Variants in UBE2D2 observed in about 807,000 individuals in gnomAD.
UBE2D2 encodes the protein ubiquitin conjugating enzyme E2 D2.
A neutral mutation model predicts 24.2 loss-of-function variants in UBE2D2; 2 were observed. The ratio of observed to expected loss-of-function variants is 0.08; its 90% confidence interval spans 0.03 to 0.26. UBE2D2 has a LOEUF of 0.26. Ranked by LOEUF, UBE2D2 falls within the 10% of genes least tolerant of loss-of-function variation. The pLI, the probability that UBE2D2 is intolerant of heterozygous loss-of-function variation, is 1.00. For synonymous variants in UBE2D2, 58 were observed against 56.5 expected (o/e 1.03, Z -0.12); for missense variants, 44 against 177.6 (o/e 0.25, Z 4.28).
intron 1 of UBE2D2, among the ~76,000 whole-genome samples, chr5:139,531,203 A>C (rs970199077): frequency 3.3e-5 from 5 of 152,200 alleles, no homozygotes; most frequent in African/African-American, 1.2e-4. Flanking sequence ...ACCAGGCCTG[A>C]AAGCAGGCCT....
intron 2 of UBE2D2, among the ~76,000 whole-genome samples, chr5:139,613,987 G>A (rs541806336): frequency 2.0e-5 from 3 of 151,892 alleles, no homozygotes; most frequent in Admixed American, 6.6e-5. Context: ...GCTTGAACCC[G>A]GGAGGCGGGG....
intron 1 of UBE2D2, among the ~76,000 whole-genome samples, chr5:139,597,915 T>G (rs1396453281): frequency 6.6e-6 from 1 of 152,234 alleles, no homozygotes; most frequent in Non-Finnish European, 1.5e-5. Flanking sequence ...TATTTCTTTT[T>G]TTTTGAGACG....
chr5:139,599,305 A>G (rs1020746742), intron 1 of UBE2D2, among the ~76,000 whole-genome samples: 2 of 152,064 alleles, frequency 1.3e-5, no homozygotes, highest in Non-Finnish European at 2.9e-5. Flanking sequence ...AAAGCATATC[A>G]ACTTGTCAGA....
intron 1 of UBE2D2, among the ~76,000 whole-genome samples, chr5:139,573,494 T>C (rs982424442): frequency 5.9e-5 from 9 of 152,186 alleles, no homozygotes; most frequent in African/African-American, 2.2e-4. Context: ...AGATACATTG[T>C]AGCAAAAGAA....
At chr5:139,568,196 T>C (rs1490246456) in intron 1 of UBE2D2, among the ~76,000 whole-genome samples, 1 of 151,518 alleles carries the variant, frequency 6.6e-6, no homozygotes, top group Non-Finnish European at 1.5e-5. Flanking sequence ...ATACAAAAAT[T>C]AGCCAGGTGT....
chr5:139,612,162 T>G (rs1018832504), intron 2 of UBE2D2: 2 of 163,084 alleles, frequency 1.2e-5, no homozygotes, highest in Non-Finnish European at 2.7e-5. Context: ...AAGTGTAGAT[T>G]TGTTTCGAAG....
chr5:139,549,069 C>T (rs537320309), intron 1 of UBE2D2, among the ~76,000 whole-genome samples: 104 of 152,168 alleles, frequency 6.8e-4, no homozygotes, highest in Non-Finnish European at 1.3e-3. Flanking sequence ...AGGCAGGTTT[C>T]GAACTCCTGA....
intron 5 of UBE2D2, among the ~76,000 whole-genome samples, chr5:139,617,824 A>C (rs1028326344): frequency 6.6e-6 from 1 of 152,120 alleles, no homozygotes; most frequent in African/African-American, 2.4e-5. Flanking sequence ...GTTGTTACGA[A>C]GATTAAAGAA....
chr5:139,581,697 C>T (rs1753606759), intron 1 of UBE2D2, among the ~76,000 whole-genome samples: 1 of 152,050 alleles, frequency 6.6e-6, no homozygotes, highest in Non-Finnish European at 1.5e-5. Context: ...GAGATGGAGT[C>T]TCGATCCGTC....
intron 2 of UBE2D2, among the ~76,000 whole-genome samples, chr5:139,613,985 C>T (rs902204633): frequency 6.6e-6 from 1 of 151,714 alleles, no homozygotes; most frequent in African/African-American, 2.4e-5. Flanking sequence ...TTGCTTGAAC[C>T]CGGGAGGCGG....
chr5:139,560,875 G>A (rs760806904), upstream of UBE2D2, among the ~76,000 whole-genome samples: 3 of 152,124 alleles, frequency 2.0e-5, no homozygotes, highest in Non-Finnish European at 4.4e-5. Flanking sequence ...GCAGGTGCCC[G>A]AGCTGTAGCC....
At position 139,561,784 on chromosome 5, in the gene UBE2D2, C is replaced by T; in HGVS notation, c.-8C>T. On this transcript the variant is annotated 5_prime_UTR_variant, in exon 1 of 7. Coordinates refer to ENST00000398733, the MANE Select transcript of UBE2D2 (RefSeq NM_003339.3). Reference sequence around the variant, plus strand: ...CGCCCCGGGGGCCGCCGCCACCCGCCTCCCACCATGGCTCTGAAGAGAATC... The same window carrying T: ...CGCCCCGGGGGCCGCCGCCACCCGCTTCCCACCATGGCTCTGAAGAGAATC... 2 of 1,504,476 alleles carry T rather than the reference C, an allele frequency of 1.3e-6. No homozygotes were observed. Among genetic ancestry groups the T allele is most frequent in the Non-Finnish European group, 1.8e-6 (2 of 1,133,882 alleles). The allele number at this position is 1,504,476 out of a possible 1,614,324, so 93.2% of individuals were successfully genotyped here.
chr5:139,579,598 G>T (rs1753550814), intron 1 of UBE2D2, among the ~76,000 whole-genome samples: 1 of 151,920 alleles, frequency 6.6e-6, no homozygotes, highest in Non-Finnish European at 1.5e-5. Context: ...CCTCAGCTAT[G>T]TTTTTTTTAA....
chr5:139,593,021 A>G (rs1189967468), intron 1 of UBE2D2, among the ~76,000 whole-genome samples: 1 of 140,260 alleles, frequency 7.1e-6, no homozygotes, highest in Non-Finnish European at 1.5e-5. Flanking sequence ...TTTGAGGCAG[A>G]GTCTCGCTCT....
At chr5:139,546,817 T>TCTTTCTTTCTTCCTTCCTTCCTTCCTTC (rs1203962652) in intron 1 of UBE2D2, among the ~76,000 whole-genome samples, 4 of 138,412 alleles carry the variant, frequency 2.9e-5, no homozygotes, top group Middle Eastern at 3.6e-3. Flanking sequence ...CTTCTTTCTT[T>TCTTTCTTTCTTCCTTCCTTCCTTCCTTC]CTTCCTTCCT....
chr5:139,539,902 C>T (rs1392462753), intron 1 of UBE2D2, among the ~76,000 whole-genome samples: 1 of 150,328 alleles, frequency 6.7e-6, no homozygotes, highest in Non-Finnish European at 1.5e-5. Context: ...CGGACAATAT[C>T]CTTGTTTTGA....
At chr5:139,602,770 A>G (rs1486665758) in intron 2 of UBE2D2, among the ~76,000 whole-genome samples, 1 of 152,178 alleles carries the variant, frequency 6.6e-6, no homozygotes, top group Non-Finnish European at 1.5e-5. Flanking sequence ...GCCCTTTCAC[A>G]AGGATTACTT....
At chr5:139,528,890 T>G (rs1175966256) in intron 1 of UBE2D2, among the ~76,000 whole-genome samples, 1 of 151,976 alleles carries the variant, frequency 6.6e-6, no homozygotes. Flanking sequence ...AGGAGAAGCT[T>G]CGCCAACCCC....
intron 5 of UBE2D2, among the ~76,000 whole-genome samples, chr5:139,618,534 G>A (rs927183473): frequency 6.6e-6 from 1 of 152,164 alleles, no homozygotes; most frequent in Admixed American, 6.5e-5. Context: ...TCACCAAATA[G>A]CAATAGAGAT....
Sources: allele counts gnomAD v4.1 joint callset (sites outside exome capture counted in the v4.1 genomes callset), GRCh38; gene constraint gnomAD v4.1.1; transcripts MANE v1.5; gene names NCBI Gene and HGNC (gene_info 2026-07-23, HGNC 2026-07-21).